The following PCDHA7 variants were observed in gnomAD, a reference collection of about 807,000 sequenced individuals.
PCDHA7 encodes the protein protocadherin alpha 7.
Under a neutral mutation model 57.2 loss-of-function variants are expected in PCDHA7, and 37 were observed. That is an observed-to-expected ratio of 0.65 (90% confidence interval 0.50 to 0.85). The LOEUF is 0.85. PCDHA7 is among the 40% of genes least tolerant of loss of function. PCDHA7 has a pLI of 0.00. For synonymous variants in PCDHA7, 553 were observed against 558.8 expected (o/e 0.99, Z 0.15); for missense variants, 1,188 against 1,241.8 (o/e 0.96, Z 0.65).
intron 1 of PCDHA7, among the ~76,000 whole-genome samples, chr5:140,922,161 A>C (rs1381544563): frequency 1.4e-5 from 2 of 147,172 alleles, no homozygotes; most frequent in African/African-American, 2.5e-5. Flanking sequence ...CAAAAACAAC[A>C]AAAAGTACAG....
At chr5:140,920,415 G>A (rs1229102806) in intron 1 of PCDHA7, among the ~76,000 whole-genome samples, 4 of 152,002 alleles carry the variant, frequency 2.6e-5, no homozygotes, top group Non-Finnish European at 5.9e-5. Flanking sequence ...ATCAGATACA[G>A]CTGTTCTCCC....
At chr5:140,917,238 G>A (rs144302098) in intron 1 of PCDHA7, among the ~76,000 whole-genome samples, 1 of 150,440 alleles carries the variant, frequency 6.6e-6, no homozygotes, top group Non-Finnish European at 1.5e-5. Flanking sequence ...TTAAATCTAG[G>A]TACTACGATT....
chr5:140,988,827 G>A (rs1554250450), intron 3 of PCDHA7: 1 of 152,132 alleles, frequency 6.6e-6, no homozygotes, highest in African/African-American at 2.4e-5. Flanking sequence ...CCCAAACAGA[G>A]ATCACGTGTC....
intron 1 of PCDHA7, among the ~76,000 whole-genome samples, chr5:140,950,852 A>G (rs1172997648): frequency 6.6e-6 from 1 of 151,856 alleles, no homozygotes; most frequent in Non-Finnish European, 1.5e-5. Flanking sequence ...CATTTCTTTC[A>G]TATTCTTGTA....
chr5:140,836,577 T>C lies in PCDHA7; in HGVS notation c.2194T>C (p.Cys732Arg). The part of the protein sequence containing the change: ...RCSAPSSEGA[C>R]SLVKPTLVCS... ...CTCAGCGCCGTCCTCTGAGGGCGCA[T>C]GTAGTTTGGTAAAGCCCACTCTGGT... is the stretch of plus-strand genomic sequence containing the variant. Residue 732 changes from cysteine to arginine, a missense_variant, in exon 1 of 4, where the codon TGT (cysteine) becomes CGT (arginine). Cys to Arg is a radical substitution (Grantham distance 180). Transcript: ENST00000525929. 1 of 1,613,654 alleles carries C rather than the reference T, an allele frequency of 6.2e-7. No homozygotes were observed. The highest frequency in any genetic ancestry group is 8.5e-7 in the Non-Finnish European group (1 of 1,179,798).
intron 1 of PCDHA7, among the ~76,000 whole-genome samples, chr5:140,881,865 T>C (rs1380240082): frequency 6.6e-6 from 1 of 152,222 alleles, no homozygotes; most frequent in Non-Finnish European, 1.5e-5. Flanking sequence ...AATAAATTTG[T>C]GGCAAAATGA....
intron 1 of PCDHA7, chr5:140,842,630 G>A: frequency 6.3e-7 from 1 of 1,586,074 alleles, no homozygotes; most frequent in Non-Finnish European, 8.6e-7. Context: ...TTCGCTGTGG[G>A]CCACCGCCAG....
intron 1 of PCDHA7, chr5:140,850,894 G>A (rs1554145013): frequency 6.3e-7 from 1 of 1,575,006 alleles, no homozygotes; most frequent in African/African-American, 1.4e-5. Context: ...GGGAAGGTGG[G>A]TTTTTCTAGC....
In PCDHA7 at chr5:140,862,537, C is replaced by A. The variant is rs56017024; in HGVS notation, c.2355+25799C>A. The A allele has an allele frequency of 9.8e-3, 4,308 of 440,540 alleles. 34 individuals carry two copies. The highest frequency in any genetic ancestry group is 0.014 in the Non-Finnish European group (3,070 of 217,342). The allele number at this position is 440,540 out of a possible 1,614,324, so 27.3% of individuals were successfully genotyped here. A position where few individuals can be genotyped will look rare whatever the true frequency, so the allele number is the denominator to read the frequency against. On this transcript the variant is annotated intron_variant, in intron 1 of 3. Transcript: ENST00000525929. The stretch of plus-strand genomic sequence containing the variant: ...CATTGTTGGCCACAGCCATCGGGTC[C>A]GTGGAAGTGGCCGAACAGTGAACCA...
intron 1 of PCDHA7, chr5:140,875,979 C>G: frequency 3.7e-6 from 6 of 1,613,984 alleles, no homozygotes; most frequent in Non-Finnish European, 5.1e-6. Flanking sequence ...CTCTTTTGAC[C>G]TATGCGTTAA....
intron 3 of PCDHA7, among the ~76,000 whole-genome samples, chr5:141,008,546 A>G (rs2098381708): frequency 6.6e-6 from 1 of 150,382 alleles, no homozygotes; most frequent in Non-Finnish European, 1.5e-5. Flanking sequence ...TTTATTGAAA[A>G]CTCCTGTGGA....
intron 1 of PCDHA7, among the ~76,000 whole-genome samples, chr5:140,956,211 T>C (rs908749043): frequency 6.6e-6 from 1 of 152,198 alleles, no homozygotes; most frequent in African/African-American, 2.4e-5. Context: ...AAAGAGGGCA[T>C]CCTTGTCTTG....
chr5:140,883,826 C>G, intron 1 of PCDHA7: 1 of 1,612,622 alleles, frequency 6.2e-7, no homozygotes, highest in South Asian at 1.1e-5. Context: ...GGTGTACGCG[C>G]TGCAGCCGTT....
At chr5:140,907,229 A>C (rs1562959472) in intron 1 of PCDHA7, among the ~76,000 whole-genome samples, 1 of 152,180 alleles carries the variant, frequency 6.6e-6, no homozygotes, top group Non-Finnish European at 1.5e-5. Flanking sequence ...AAGTATTGTC[A>C]CCTAGTTGAC....
intron 1 of PCDHA7, among the ~76,000 whole-genome samples, chr5:140,974,994 A>G (rs901871984): frequency 6.6e-6 from 1 of 152,126 alleles, no homozygotes; most frequent in South Asian, 2.1e-4. Context: ...AGGTATTCTC[A>G]AGGCTGAAAT....
chr5:140,882,157 C>G, intron 1 of PCDHA7: 5 of 1,504,750 alleles, frequency 3.3e-6, no homozygotes, highest in Non-Finnish European at 8.9e-7. Flanking sequence ...AAGCGGAATA[C>G]CTCTTGCGAA....
chr5:140,884,253 C>G (rs1356283866), intron 1 of PCDHA7: 2 of 1,613,302 alleles, frequency 1.2e-6, no homozygotes, highest in Non-Finnish European at 1.7e-6. Flanking sequence ...CTGACGGCCA[C>G]GGCAACGGTG....
intron 1 of PCDHA7, chr5:140,863,388 C>T: frequency 1.0e-6 from 1 of 1,000,142 alleles, no homozygotes; most frequent in Non-Finnish European, 1.5e-6. Context: ...AGAGCTCGTG[C>T]ATGCCGGGCA....
chr5:140,966,436 G>T, intron 1 of PCDHA7: 1 of 421,750 alleles, frequency 2.4e-6, no homozygotes. Flanking sequence ...CCCTCCTACC[G>T]CTCCCTTTCC....
Sources: allele counts gnomAD v4.1 joint callset (sites outside exome capture counted in the v4.1 genomes callset), GRCh38; gene constraint gnomAD v4.1.1; transcripts MANE v1.5; gene names NCBI Gene and HGNC (gene_info 2026-07-23, HGNC 2026-07-21).